Variants in GPHN observed in about 807,000 individuals in gnomAD.
The protein encoded by GPHN is gephyrin.
GPHN carries 17 observed loss-of-function variants against 95.5 expected under a neutral mutation model. That is an observed-to-expected ratio of 0.18 (90% CI 0.12 to 0.27). GPHN has a LOEUF of 0.27. GPHN is among the 10% of genes least tolerant of loss of function. The pLI, the probability that GPHN is intolerant of heterozygous loss-of-function variation, is 1.00. For synonymous variants in GPHN, 320 were observed against 322.5 expected, an observed-to-expected ratio of 0.99 and a Z score of 0.08; for missense variants, 660 against 978.1, an observed-to-expected ratio of 0.67 and a Z score of 4.34.
At chr14:67,674,568 G>A in the GPHN span, 8 of 1,266,242 alleles carry the variant, frequency 6.3e-6, no homozygotes, top group South Asian at 1.1e-4. Context: ...CAGCCGCCCA[G>A]CCCAGTGGCC....
At chr14:67,364,514 G>T in the GPHN span, 3 of 362,744 alleles carry the variant, frequency 8.3e-6, no homozygotes, top group South Asian at 3.4e-5. Flanking sequence ...TATTTTTTAT[G>T]ATTCCTCTGA....
the GPHN span, chr14:67,569,803 T>G: frequency 5.7e-6 from 4 of 702,954 alleles, no homozygotes; most frequent in Non-Finnish European, 7.8e-6. Flanking sequence ...GCCCCCCTCT[T>G]GAGATCTGTC....
chr14:66,512,834 G>T (rs1050946702), intron 1 of GPHN, among the ~76,000 whole-genome samples: 2 of 151,508 alleles, frequency 1.3e-5, no homozygotes, highest in African/African-American at 2.4e-5. Context: ...ACCTGTTCTG[G>T]TATATTATGT....
the GPHN span, chr14:67,648,997 C>G: frequency 6.6e-6 from 1 of 152,196 alleles, no homozygotes; most frequent in African/African-American, 2.4e-5. Flanking sequence ...AGCGCCACAG[C>G]CTGCCAGAAC....
intron 9 of GPHN, among the ~76,000 whole-genome samples, chr14:67,019,122 G>T (rs990657255): frequency 7.9e-5 from 12 of 152,174 alleles, no homozygotes; most frequent in Non-Finnish European, 4.4e-5. Context: ...GCCTATTATT[G>T]ACAGGAATAG....
At chr14:67,644,327 A>G in the GPHN span, among the ~76,000 whole-genome samples, 2 of 152,166 alleles carry the variant, frequency 1.3e-5, no homozygotes, top group Non-Finnish European at 1.5e-5. Flanking sequence ...TATTATCCCT[A>G]TCTCACAGAA....
the GPHN span, chr14:67,302,267 A>G: frequency 2.6e-3 from 2,836 of 1,085,184 alleles, 25 homozygotes; most frequent in African/African-American, 0.018. Context: ...TCTAATTACA[A>G]TTACTCTAGT....
At chr14:66,544,840 AC>A in intron 1 of GPHN, among the ~76,000 whole-genome samples, 1 of 151,992 alleles carries the variant, frequency 6.6e-6, no homozygotes, top group Admixed American at 6.5e-5. Flanking sequence ...CACATCTTGC[AC>A]CGCCCTTAAT....
intron 9 of GPHN, among the ~76,000 whole-genome samples, chr14:66,988,579 C>T (rs1256600252): frequency 2.6e-5 from 4 of 151,968 alleles, no homozygotes; most frequent in Non-Finnish European, 5.9e-5. Flanking sequence ...AGAAAATTAG[C>T]AGTAAGTACC....
At chr14:66,573,909 T>A (rs920539228) in intron 1 of GPHN, among the ~76,000 whole-genome samples, 3 of 152,224 alleles carry the variant, frequency 2.0e-5, no homozygotes, top group Non-Finnish European at 4.4e-5. Context: ...ACGAAATGAA[T>A]CTCTTGTAGG....
the GPHN span, among the ~76,000 whole-genome samples, chr14:67,496,965 T>C: frequency 1.3e-5 from 2 of 152,002 alleles, no homozygotes; most frequent in African/African-American, 4.8e-5. Flanking sequence ...ACCTGGCTAA[T>C]TTTTGTATTT....
At chr14:67,422,247 G>A in the GPHN span, among the ~76,000 whole-genome samples, 1 of 152,130 alleles carries the variant, frequency 6.6e-6, no homozygotes, top group Non-Finnish European at 1.5e-5. Context: ...AAACTAGCCA[G>A]TCCAAAACTG....
At chr14:66,533,770 T>C (rs925051678) in intron 1 of GPHN, among the ~76,000 whole-genome samples, 3 of 152,204 alleles carry the variant, frequency 2.0e-5, no homozygotes, top group Non-Finnish European at 4.4e-5. Context: ...CCATCTTAAA[T>C]TGGAATTACA....
chr14:66,905,097 C>T (rs550829663), intron 5 of GPHN, among the ~76,000 whole-genome samples: 37 of 152,128 alleles, frequency 2.4e-4, no homozygotes, highest in Middle Eastern at 3.4e-3. Context: ...TGTATCTTAC[C>T]GGTGATCTTC....
chr14:67,445,815 G>A, the GPHN span, among the ~76,000 whole-genome samples: 1 of 151,910 alleles, frequency 6.6e-6, no homozygotes, highest in African/African-American at 2.4e-5. Flanking sequence ...TTGAACTCCT[G>A]AACTCAAGTG....
intron 5 of GPHN, among the ~76,000 whole-genome samples, chr14:66,909,194 C>G (rs2065542614): frequency 6.6e-6 from 1 of 152,046 alleles, no homozygotes; most frequent in Admixed American, 6.6e-5. Flanking sequence ...CAAAACTGTT[C>G]TTAAAAATGA....
intron 8 of GPHN, among the ~76,000 whole-genome samples, chr14:66,960,582 C>T (rs1315805916): frequency 1.3e-5 from 2 of 151,926 alleles, no homozygotes; most frequent in Non-Finnish European, 2.9e-5. Flanking sequence ...TACCTAGAAC[C>T]AAAAAATTAA....
intron 1 of GPHN, among the ~76,000 whole-genome samples, chr14:66,628,278 G>A (rs944391603): frequency 6.6e-6 from 1 of 152,068 alleles, no homozygotes; most frequent in Non-Finnish European, 1.5e-5. Flanking sequence ...AGGCAATTTT[G>A]TCATTTACAA....
intron 18 of GPHN, among the ~76,000 whole-genome samples, chr14:67,148,246 T>C (rs1334824966): frequency 6.6e-6 from 1 of 152,088 alleles, no homozygotes; most frequent in Non-Finnish European, 1.5e-5. Context: ...AAAAGGCAAA[T>C]TACACAAAAA....
Sources: allele counts gnomAD v4.1 joint callset (sites outside exome capture counted in the v4.1 genomes callset), GRCh38; gene constraint gnomAD v4.1.1; transcripts MANE v1.5; gene names NCBI Gene and HGNC (gene_info 2026-07-23, HGNC 2026-07-21).